Variants in LINGO2 observed in about 807,000 individuals in gnomAD.
The protein encoded by LINGO2 is leucine rich repeat and Ig domain containing 2.
In LINGO2, 14 loss-of-function variants were observed where a neutral mutation model predicts 30.6. The ratio of observed to expected loss-of-function variants is 0.46; its 90% confidence interval spans 0.30 to 0.72. The LOEUF is 0.72. Ranked by LOEUF, LINGO2 falls within the 30% of genes least tolerant of loss-of-function variation. The pLI is 0.07. For synonymous variants in LINGO2, 317 were observed against 288.5 expected (o/e 1.10, Z -1.00); for missense variants, 729 against 751.7 (o/e 0.97, Z 0.35).
At chr9:28,915,672 T>A in the LINGO2 span, among the ~76,000 whole-genome samples, 1 of 152,188 alleles carries the variant, frequency 6.6e-6, no homozygotes, top group Admixed American at 6.5e-5. Flanking sequence ...TGCTGGTCAC[T>A]TAGGAGATAC....
chr9:29,092,999 T>A, the LINGO2 span, among the ~76,000 whole-genome samples: 3 of 123,328 alleles, frequency 2.4e-5, 1 homozygote, highest in Non-Finnish European at 5.0e-5. Flanking sequence ...CCTGTAGGAA[T>A]GATTAACATA....
chr9:28,798,785 C>A, the LINGO2 span, among the ~76,000 whole-genome samples: 1 of 151,718 alleles, frequency 6.6e-6, no homozygotes, highest in Non-Finnish European at 1.5e-5. Flanking sequence ...ATGAAGCAAG[C>A]AAAAGCAAGT....
intron 4 of LINGO2, among the ~76,000 whole-genome samples, chr9:28,259,580 G>A (rs1221951462): frequency 6.6e-6 from 1 of 151,766 alleles, no homozygotes; most frequent in African/African-American, 2.4e-5. Context: ...GAAGAGAGAT[G>A]AAGGGACCCA....
the LINGO2 span, among the ~76,000 whole-genome samples, chr9:28,748,767 T>TA: frequency 3.9e-5 from 6 of 152,058 alleles, no homozygotes; most frequent in African/African-American, 1.2e-4. Context: ...ATGTTCTTTT[T>TA]AAAAAATCTC....
chr9:28,859,902 C>A, the LINGO2 span, among the ~76,000 whole-genome samples: 2 of 151,704 alleles, frequency 1.3e-5, no homozygotes, highest in African/African-American at 4.8e-5. Context: ...TAAAAGGATG[C>A]ATTTATTTAA....
chr9:28,763,640 A>G, the LINGO2 span, among the ~76,000 whole-genome samples: 2 of 151,844 alleles, frequency 1.3e-5, no homozygotes, highest in African/African-American at 4.8e-5. Context: ...AAAAGAAAAA[A>G]AAATTAAACT....
chr9:28,033,175 G>A (rs1481484409), intron 4 of LINGO2, among the ~76,000 whole-genome samples: 3 of 152,188 alleles, frequency 2.0e-5, no homozygotes, highest in Non-Finnish European at 4.4e-5. Flanking sequence ...CTTTGCAAAT[G>A]TTCAGTGGGC....
chr9:28,470,952 A>T (rs563892611), intron 2 of LINGO2, among the ~76,000 whole-genome samples: 1 of 148,218 alleles, frequency 6.7e-6, no homozygotes, highest in Non-Finnish European at 1.5e-5. Context: ...TATTATACAT[A>T]ATTTTCTTTA....
At chr9:28,335,201 A>T (rs1179748989) in intron 3 of LINGO2, among the ~76,000 whole-genome samples, 1 of 152,142 alleles carries the variant, frequency 6.6e-6, no homozygotes, top group Admixed American at 6.5e-5. Flanking sequence ...CACATTCTCA[A>T]TACATGTCAA....
At chr9:28,393,783 G>A (rs760020551) in intron 2 of LINGO2, among the ~76,000 whole-genome samples, 5 of 152,140 alleles carry the variant, frequency 3.3e-5, no homozygotes, top group Admixed American at 6.5e-5. Context: ...CCCCAGTATA[G>A]CAGGGCAGGT....
chr9:29,089,784 A>G, the LINGO2 span, among the ~76,000 whole-genome samples: 1 of 152,046 alleles, frequency 6.6e-6, no homozygotes, highest in East Asian at 1.9e-4. Flanking sequence ...TGGTCTTCTT[A>G]CAAGAAGTTT....
chr9:28,053,445 G>A (rs909868078), intron 4 of LINGO2, among the ~76,000 whole-genome samples: 2 of 152,054 alleles, frequency 1.3e-5, no homozygotes, highest in African/African-American at 2.4e-5. Context: ...AATTGTATAC[G>A]AATAAATGGT....
At chr9:28,943,281 G>A in the LINGO2 span, among the ~76,000 whole-genome samples, 1 of 151,918 alleles carries the variant, frequency 6.6e-6, no homozygotes, top group Non-Finnish European at 1.5e-5. Flanking sequence ...GCATCCATAA[G>A]ACATCAAGAC....
the LINGO2 span, among the ~76,000 whole-genome samples, chr9:29,045,583 T>TA: frequency 0.16 from 22,941 of 144,020 alleles, 1,980 homozygotes; most frequent in South Asian, 0.21. Context: ...CCTTCATGAT[T>TA]AAAAAAAAAA....
chr9:28,350,680 A>T (rs1820723908), intron 3 of LINGO2, among the ~76,000 whole-genome samples: 1 of 151,892 alleles, frequency 6.6e-6, no homozygotes. Context: ...CTCCACCCCA[A>T]ATCAACAGAA....
rs1216619021 is a variant in LINGO2, at chr9:28,221,122, AC to A, written c.-87+74085del. Among the ~76,000 whole-genome samples the A allele has an allele frequency of 2.8e-4, 43 of 151,780 alleles. 1 individual carries two copies. The highest frequency in any genetic ancestry group is 1.2e-4 in the Non-Finnish European group (8 of 67,952). ...AAACCATCCTCGCTAACACGGTGAA[AC>A]CCCGTCTCTAATAAAAATAGAAAAA... On this transcript the variant is annotated intron_variant, in intron 4 of 5. Coordinates refer to ENST00000379992, the Ensembl canonical transcript of LINGO2.
At chr9:29,164,668 T>C in the LINGO2 span, among the ~76,000 whole-genome samples, 2 of 151,956 alleles carry the variant, frequency 1.3e-5, no homozygotes, top group Non-Finnish European at 1.5e-5. Context: ...TTTCTACAAA[T>C]ATTAAAACTA....
At chr9:29,012,366 A>G in the LINGO2 span, among the ~76,000 whole-genome samples, 1 of 152,134 alleles carries the variant, frequency 6.6e-6, no homozygotes, top group Non-Finnish European at 1.5e-5. Flanking sequence ...TCAAAAAAAA[A>G]AATTATATTA....
the LINGO2 span, among the ~76,000 whole-genome samples, chr9:29,083,692 T>C: frequency 6.6e-6 from 1 of 151,988 alleles, no homozygotes; most frequent in Non-Finnish European, 1.5e-5. Context: ...AACTCTGAAG[T>C]TCACACTAAA....
Sources: allele counts gnomAD v4.1 joint callset (sites outside exome capture counted in the v4.1 genomes callset), GRCh38; gene constraint gnomAD v4.1.1; transcripts MANE v1.5; gene names NCBI Gene and HGNC (gene_info 2026-07-23, HGNC 2026-07-21).